The following ARHGAP24 variants were observed in gnomAD, a reference collection of about 807,000 sequenced individuals.
The protein encoded by ARHGAP24 is Rho GTPase activating protein 24, also known as rho GTPase-activating protein 24.
In ARHGAP24, 50 loss-of-function variants were observed where a neutral mutation model predicts 76.4. The observed-to-expected ratio is 0.65, with a 90% CI of 0.52 to 0.83. ARHGAP24 has a LOEUF of 0.83. Among genes scored for constraint, ARHGAP24 ranks in the 40% least tolerant of loss-of-function variants. The pLI is 0.00. For missense variants in ARHGAP24, 930 were observed against 914.2 expected, an observed-to-expected ratio of 1.02 and a Z score of -0.22; for synonymous variants, 345 against 323.3, an observed-to-expected ratio of 1.07 and a Z score of -0.72.
chr4:85,545,607 C>G (rs1017388901), intron 1 of ARHGAP24, among the ~76,000 whole-genome samples: 3 of 152,168 alleles, frequency 2.0e-5, no homozygotes, highest in African/African-American at 4.8e-5. Flanking sequence ...TGCTTCCAAG[C>G]TGCTGAAGGG....
intron 3 of ARHGAP24, among the ~76,000 whole-genome samples, chr4:85,750,501 T>C (rs1379552383): frequency 2.2e-5 from 3 of 136,312 alleles, no homozygotes; most frequent in Non-Finnish European, 3.2e-5. Flanking sequence ...TTTTTTTTTT[T>C]TTTTTTTTTT....
intron 4 of ARHGAP24, among the ~76,000 whole-genome samples, chr4:85,928,940 T>C (rs1382523871): frequency 6.6e-6 from 1 of 152,042 alleles, no homozygotes; most frequent in Admixed American, 6.6e-5. Context: ...CAGACAGAGG[T>C]TAATTAAGAG....
chr4:85,613,117 C>G (rs563243636), intron 2 of ARHGAP24, among the ~76,000 whole-genome samples: 8 of 152,134 alleles, frequency 5.3e-5, no homozygotes, highest in African/African-American at 1.9e-4. Flanking sequence ...TTTTAAGTTA[C>G]AGTTTACTAT....
At chr4:85,641,728 TAGAA>T (rs1721528814) in intron 2 of ARHGAP24, among the ~76,000 whole-genome samples, 1 of 152,156 alleles carries the variant, frequency 6.6e-6, no homozygotes, top group Admixed American at 6.5e-5. Flanking sequence ...ACTGGTTTAT[TAGAA>T]AGAATATTAG....
At chr4:85,601,131 C>T (rs1720013472) in intron 2 of ARHGAP24, among the ~76,000 whole-genome samples, 1 of 151,990 alleles carries the variant, frequency 6.6e-6, no homozygotes, top group Non-Finnish European at 1.5e-5. Flanking sequence ...CTCTTTTATT[C>T]ACGTCTATAT....
rs576067255 is a variant in ARHGAP24 at position 85,768,186 on chromosome 4, TG to T, written c.268+46215del. Among the ~76,000 whole-genome samples the T allele has an allele frequency of 6.3e-4, 95 of 151,710 alleles. 1 individual carries two copies. The highest frequency in any genetic ancestry group is 6.8e-3 in the Middle Eastern group (2 of 294). On this transcript the variant is annotated intron_variant, in intron 3 of 9. Transcript: ENST00000395184. ...AAATAATTAAAAAGAAAGATGAGAG[TG>T]AATGAAAATAGCATGGCAAGTAACA...
At chr4:85,671,461 A>G (rs2110001956) in intron 2 of ARHGAP24, among the ~76,000 whole-genome samples, 1 of 152,308 alleles carries the variant, frequency 6.6e-6, no homozygotes, top group South Asian at 2.1e-4. Flanking sequence ...TAGGTAATGA[A>G]ATAAATATTT....
chr4:85,699,119 G>T (rs1244277902), intron 2 of ARHGAP24, among the ~76,000 whole-genome samples: 1 of 152,114 alleles, frequency 6.6e-6, no homozygotes, highest in Non-Finnish European at 1.5e-5. Flanking sequence ...GATATTTTTG[G>T]TTGCATCCTT....
chr4:85,906,978 G>A (rs1421625871), intron 3 of ARHGAP24, among the ~76,000 whole-genome samples: 1 of 152,102 alleles, frequency 6.6e-6, no homozygotes, highest in Non-Finnish European at 1.5e-5. Flanking sequence ...GGAAGACATT[G>A]GTAAAAATGG....
intron 8 of ARHGAP24, chr4:85,992,034 G>A (rs1190025255): frequency 5.1e-6 from 2 of 395,608 alleles, no homozygotes; most frequent in South Asian, 1.3e-4. Context: ...AAAATTATAT[G>A]GTTCAGGGAA....
In ARHGAP24 at chr4:85,994,769, G is replaced by A; in HGVS notation, c.1115G>A (p.Arg372Lys). 1 of 1,614,108 alleles carries A rather than the reference G, an allele frequency of 6.2e-7. No homozygotes were observed. The change falls in exon 9 of 10, where the codon AGG becomes AAG. Residue 372 changes from arginine to lysine, a missense_variant. By Grantham distance (26) the Arg-to-Lys change is conservative. Transcript: ENST00000395184. ...ENNNTKDSPS[R>K]QCSWDKSESP... ...AATAACACCAAGGACAGCCCTAGTA[G>A]GCAGTGCTCCTGGGACAAGTCTGAG...
intron 3 of ARHGAP24, among the ~76,000 whole-genome samples, chr4:85,804,246 A>C (rs186422094): frequency 1.3e-5 from 2 of 152,318 alleles, no homozygotes; most frequent in East Asian, 3.9e-4. Context: ...AAAAGCTTGG[A>C]CCAACTAGAG....
At chr4:85,549,797 T>G (rs554072781) in intron 1 of ARHGAP24, among the ~76,000 whole-genome samples, 8 of 152,292 alleles carry the variant, frequency 5.3e-5, no homozygotes, top group Admixed American at 1.3e-4. Context: ...CATCTCTCGC[T>G]CCCTTCTTTG....
rs11945810 is a variant in ARHGAP24 at position 85,816,446 on chromosome 4, C to T, written c.268+94474C>T. 9.5e-3 allele frequency among the ~76,000 whole-genome samples: 1,445 copies of T among 152,184 alleles called. 27 individuals carry two copies. Among genetic ancestry groups the T allele is most frequent in the African/African-American group, 0.033 (1,353 of 41,486 alleles). The stretch of plus-strand genomic sequence containing the variant: ...TACTTAGCATAATGCCCCCAAGTTT[C>T]ATTCATGTTTTCACAAATGACAACA... On this transcript the variant is annotated intron_variant, in intron 3 of 9. Coordinates refer to ENST00000395184, the MANE Select transcript of ARHGAP24 (RefSeq NM_001025616.3).
chr4:85,524,128 C>T (rs750048461), intron 1 of ARHGAP24, among the ~76,000 whole-genome samples: 14 of 152,042 alleles, frequency 9.2e-5, no homozygotes, highest in Admixed American at 7.9e-4. Context: ...ATTCTCTACA[C>T]GTAACAGAGT....
intron 3 of ARHGAP24, among the ~76,000 whole-genome samples, chr4:85,852,421 T>G (rs1387443040): frequency 6.6e-6 from 1 of 152,202 alleles, no homozygotes; most frequent in Non-Finnish European, 1.5e-5. Context: ...AGAAATTTGT[T>G]TTTACCGACC....
At chr4:85,622,422 G>T (rs1560556818) in intron 2 of ARHGAP24, among the ~76,000 whole-genome samples, 1 of 151,976 alleles carries the variant, frequency 6.6e-6, no homozygotes, top group Non-Finnish European at 1.5e-5. Context: ...CAAAGGACAT[G>T]AACTCATCAT....
At chr4:85,900,936 C>G (rs1170166591) in intron 3 of ARHGAP24, among the ~76,000 whole-genome samples, 1 of 152,130 alleles carries the variant, frequency 6.6e-6, no homozygotes, top group East Asian at 1.9e-4. Flanking sequence ...AACGTCATGG[C>G]CACACAACTG....
At chr4:85,700,320 C>T (rs10013821) in intron 2 of ARHGAP24, among the ~76,000 whole-genome samples, 2,376 of 151,086 alleles carry the variant, frequency 0.016, 29 homozygotes, top group Middle Eastern at 0.037. Flanking sequence ...TGCTTGAACC[C>T]GGGAGGTGGA....
Sources: gnomAD v4.1 joint callset for allele counts (sites outside exome capture counted in the v4.1 genomes callset) on GRCh38, gnomAD v4.1.1 for gene constraint, MANE v1.5 for transcripts, NCBI Gene and HGNC (gene_info 2026-07-23, HGNC 2026-07-21) for gene names.